BAZ2A: variants seen among roughly 807,000 people sequenced by gnomAD.
BAZ2A encodes bromodomain adjacent to zinc finger domain 2A.
A neutral mutation model predicts 199.9 loss-of-function variants in BAZ2A; 34 were observed. The observed-to-expected ratio is 0.17, with a 90% CI of 0.13 to 0.23. The LOEUF is 0.23. BAZ2A is among the 10% of genes least tolerant of loss of function. The probability of loss-of-function intolerance (pLI) is 1.00; values close to 1 mark genes in which losing one functional copy is unlikely to be tolerated. For missense variants in BAZ2A, 2,002 were observed against 2,391.1 expected, an observed-to-expected ratio of 0.84 and a Z score of 3.39; for synonymous variants, 857 against 883.9, an observed-to-expected ratio of 0.97 and a Z score of 0.54.
intron 4 of BAZ2A, 28 bp from the exon 5 acceptor site, chr12:56,613,261 CAGG>C (rs779537055): frequency 1.9e-6 from 3 of 1,599,950 alleles, no homozygotes; most frequent in Admixed American, 3.4e-5. Context: ...AAAATCAGAG[CAGG>C]ATAATGAGAA....
chr12:56,607,060 TC>T (rs940715157), intron 10 of BAZ2A, among the ~76,000 whole-genome samples: 2 of 151,896 alleles, frequency 1.3e-5, no homozygotes, highest in African/African-American at 4.8e-5. Context: ...CCAATCTCTC[TC>T]CCAGGATACC....
rs755318257 is a variant in BAZ2A at position 56,617,514 on chromosome 12, T to C, written c.17A>G (p.His6Arg). 1.4e-5 allele frequency: 23 copies of C among 1,608,168 alleles called. No homozygotes were observed. The highest frequency in any genetic ancestry group is 1.3e-4 in the South Asian group (12 of 89,666). The change falls in exon 2 of 29, where the codon CAT becomes CGT. Residue 6 changes from histidine to arginine, a missense_variant. By Grantham distance (29) the His-to-Arg change is conservative. Transcript: ENST00000549884. The stretch of plus-strand genomic sequence containing the variant: ...AGGGGGAAGGCCAGTAAAGTTAAAA[T>C]GGTCGTTTGCCTCCATTTCTGCAGG... MEAND[H>R]FNFTGLPPAP...
intron 1 of BAZ2A, among the ~76,000 whole-genome samples, chr12:56,628,644 G>A (rs1462028202): frequency 6.6e-6 from 1 of 152,030 alleles, no homozygotes; most frequent in African/African-American, 2.4e-5. Flanking sequence ...CCCTACCCCC[G>A]ACACACAAAT....
rs1260156559 is a variant in BAZ2A at position 56,603,634 on chromosome 12, G to A, written c.3105C>T (p.Cys1035=). Residue 1035 remains cysteine (C), a synonymous_variant, in exon 17 of 29, where the codon TGC becomes TGT. Coordinates refer to ENST00000549884, the MANE Select transcript of BAZ2A (RefSeq NM_001300905.2). ...TCCGAGAACTGCGCCTCCGTCCCAG[G>A]CATTCCTCTGGCCCTTCCATCTCTA... The part of the protein sequence containing the change: ...SEVEMEGPEE[C]LGRRRSSRIM... The A allele has an allele frequency of 1.9e-6, 3 of 1,613,866 alleles. No homozygotes were observed. Among genetic ancestry groups the A allele is most frequent in the East Asian group, 2.2e-5 (1 of 44,898 alleles).
chr12:56,638,200 A>G (rs1951484888), upstream of BAZ2A: 1 of 809,424 alleles, frequency 1.2e-6, no homozygotes, highest in Non-Finnish European at 2.0e-6. Flanking sequence ...ATTTTATTGG[A>G]AACCTTAAAT....
intron 1 of BAZ2A, among the ~76,000 whole-genome samples, chr12:56,625,659 T>C (rs7973618): frequency 0.44 from 66,053 of 151,218 alleles, 16,203 homozygotes; most frequent in African/African-American, 0.67. Flanking sequence ...GGGCGGATCA[T>C]GAGGTCAGGA....
In BAZ2A at chr12:56,601,110, TGA is replaced by T; in HGVS notation, c.4295-14_4295-13del. On this transcript the variant is annotated splice_polypyrimidine_tract_variant and intron_variant, in intron 21 of 28. Coordinates refer to ENST00000549884, the MANE Select transcript of BAZ2A (RefSeq NM_001300905.2). ...GCCTGAGCACATCTCTGTGAGCAGATGAGATATATGTGGGGCGCCAGCTGTGA... is the reference window on the plus strand; with the variant it reads ...GCCTGAGCACATCTCTGTGAGCAGATGATATATGTGGGGCGCCAGCTGTGA... 1 of 1,603,656 alleles carries T rather than the reference TGA, an allele frequency of 6.2e-7. No individual in the cohort carries two copies. The highest frequency in any genetic ancestry group is 1.1e-5 in the South Asian group (1 of 90,828).
rs201224590 is a variant in BAZ2A at position 56,595,943 on chromosome 12, TG to T, written c.*2674del. The T allele has an allele frequency of 0.012, 8 of 690 alleles. No individual in the cohort carries two copies. The highest frequency in any genetic ancestry group is 0.085 in the African/African-American group (8 of 94). 0.0% of individuals were successfully genotyped at this position (690 alleles called of 1,614,324 possible). Reference sequence around the variant, plus strand: ...GAGTCTTTTGAATCTCTATCAAATGTGGTTTTTTTTATTCAACAACTGACAA... The same window carrying T: ...GAGTCTTTTGAATCTCTATCAAATGTGTTTTTTTTATTCAACAACTGACAA... On this transcript the variant is annotated 3_prime_UTR_variant, in exon 29 of 29. Transcript: ENST00000549884.
At chr12:56,607,496 C>T (rs1950402153) in intron 10 of BAZ2A, among the ~76,000 whole-genome samples, 1 of 152,148 alleles carries the variant, frequency 6.6e-6, no homozygotes, top group Non-Finnish European at 1.5e-5. Context: ...CTCAGCCACC[C>T]CAGTAGCTGG....
rs375170579 is a variant in BAZ2A at position 56,611,631 on chromosome 12, C to A, written c.1612G>T (p.Asp538Tyr). Residue 538 changes from aspartate (D) to tyrosine (Y), a missense_variant and splice_region_variant, in exon 7 of 29, where the codon GAT becomes TAT. By Grantham distance (160) the Asp-to-Tyr change is radical (BLOSUM62 -3). Transcript: ENST00000549884. ...GEGLTASGSG[D>Y]VMRRRIATPE... ...GTAGCAATACGTCTCCTCATGACATCACCTTGGGAGGAAGGGATACCCAAG... is the reference window on the plus strand; with the variant it reads ...GTAGCAATACGTCTCCTCATGACATAACCTTGGGAGGAAGGGATACCCAAG... 2 of 1,603,952 alleles carry A rather than the reference C, an allele frequency of 1.2e-6. No individual in the cohort carries two copies. Among genetic ancestry groups the A allele is most frequent in the African/African-American group, 1.3e-5 (1 of 74,394 alleles).
At chr12:56,616,964 G>T (rs1565828139) in intron 2 of BAZ2A, among the ~76,000 whole-genome samples, 1 of 152,168 alleles carries the variant, frequency 6.6e-6, no homozygotes, top group African/African-American at 2.4e-5. Flanking sequence ...AGGACAGAAG[G>T]TGGAATAAGT....
rs764067035 is a variant in BAZ2A, at chr12:56,599,160, G to T, written c.5371C>A (p.Arg1791=). 1.9e-6 allele frequency: 3 copies of T among 1,612,232 alleles called. No individual in the cohort carries two copies. The African/African-American group carries it at 4.0e-5, about 22-fold the overall frequency. The change falls in exon 27 of 29, where the codon CGG becomes AGG. Residue 1791 remains arginine, a synonymous_variant. Transcript: ENST00000549884. ...SPSKRRRLSM[R]NHHSDLTFCE... ...AATGTGAGATCACTGTGGTGGTTCC[G>T]CATAGAGAGTCGCCGCCGCTTGGAG...
At chr12:56,629,233 A>C (rs1951210705) in intron 1 of BAZ2A, among the ~76,000 whole-genome samples, 1 of 152,186 alleles carries the variant, frequency 6.6e-6, no homozygotes, top group Non-Finnish European at 1.5e-5. Context: ...GTACAGATAG[A>C]GGTGGAAAGC....
intron 26 of BAZ2A, 113 bp from the exon 27 acceptor site, chr12:56,599,471 G>C (rs563665077): frequency 7.6e-7 from 1 of 1,318,218 alleles, no homozygotes; most frequent in Non-Finnish European, 1.0e-6. Context: ...TGCATAAGCC[G>C]GCATTGGTTT....
Position 56,603,810 on chromosome 12 carries a change from C to T in BAZ2A, c.3039-110G>A, listed in dbSNP as rs536552973. ...GGCGGATCACCTGAGGTCAGGAGTT[C>T]GAGACCAGCCTGGCCAACATGGTGA... is the stretch of plus-strand genomic sequence containing the variant. On this transcript the variant is annotated intron_variant, in intron 16 of 28. Coordinates refer to ENST00000549884, the MANE Select transcript of BAZ2A (RefSeq NM_001300905.2). 140 of 1,221,256 alleles carry T rather than the reference C, an allele frequency of 1.1e-4. 2 individuals carry two copies. Among genetic ancestry groups the T allele is most frequent in the South Asian group, 5.6e-4 (38 of 67,822 alleles). 75.7% of individuals were successfully genotyped at this position (1,221,256 alleles called of 1,614,324 possible). A position where few individuals can be genotyped will look rare whatever the true frequency, so the allele number is the denominator to read the frequency against.
At position 56,598,450 on chromosome 12, in the gene BAZ2A, G is replaced by A. The variant is rs1024441331; in HGVS notation, c.*168C>T. 1.2e-6 allele frequency: 1 copy of A among 802,574 alleles called. No individual in the cohort carries two copies. Among genetic ancestry groups the A allele is most frequent in the East Asian group, 2.7e-5 (1 of 36,892 alleles). 49.7% of individuals were successfully genotyped at this position (802,574 alleles called of 1,614,324 possible). A position where few individuals can be genotyped will look rare whatever the true frequency, so the allele number is the denominator to read the frequency against. ...GGAGCAAGAGGAGGGAAGGGAGAAA[G>A]GGATGTAGGAATAAGAGGATGTGGG... is the stretch of plus-strand genomic sequence containing the variant. On this transcript the variant is annotated 3_prime_UTR_variant, in exon 29 of 29. Transcript: ENST00000549884.
In BAZ2A at chr12:56,600,376, G is replaced by A. The variant is rs1180247384; in HGVS notation, c.4717C>T (p.Pro1573Ser). 3 of 1,614,008 alleles carry A rather than the reference G, an allele frequency of 1.9e-6. No homozygotes were observed. The highest frequency in any genetic ancestry group is 2.2e-5 in the South Asian group (2 of 91,084). Reference protein sequence around the residue: ...WRGRGREGLAPQRKTTNPLDL... With the variant: ...WRGRGREGLASQRKTTNPLDL... ...AAAGGGTTGGTAGTTTTACGCTGAG[G>A]TGCCAGTCCCTCCCTGCCCCGACCT... Residue 1573 changes from proline to serine, a missense_variant, in exon 24 of 29, where the codon CCT becomes TCT. Transcript: ENST00000549884.
chr12:56,609,521 C>A (rs1192392860), intron 10 of BAZ2A, among the ~76,000 whole-genome samples: 3 of 152,164 alleles, frequency 2.0e-5, no homozygotes, highest in Non-Finnish European at 4.4e-5. Context: ...CAAGGTTTCA[C>A]TGGTAACAGC....
At chr12:56,635,151 G>A (rs1293435648), upstream of BAZ2A, 3 of 609,022 alleles carry the variant, frequency 4.9e-6, no homozygotes, top group South Asian at 7.1e-5. The surrounding 1 kb of genome is among the most constrained non-coding windows in gnomAD (Gnocchi z 4.1). Context: ...AGGATAGCGG[G>A]TGGCGTCTCC....
Sources: gnomAD v4.1 joint callset for allele counts (sites outside exome capture counted in the v4.1 genomes callset) on GRCh38, gnomAD v4.1.1 for gene constraint, Gnocchi (gnomAD v3.1) non-coding constraint, MANE v1.5 for transcripts, NCBI Gene and HGNC (gene_info 2026-07-23, HGNC 2026-07-21) for gene names.